CDH12: variants seen among roughly 807,000 people sequenced by gnomAD.
The protein encoded by CDH12 is cadherin-12.
A neutral mutation model predicts 74.1 loss-of-function variants in CDH12; 41 were observed. The ratio of observed to expected loss-of-function variants is 0.55; its 90% confidence interval spans 0.43 to 0.72. CDH12 has a LOEUF of 0.72. Ranked by LOEUF, CDH12 falls within the 30% of genes least tolerant of loss-of-function variation. The pLI, the probability that CDH12 is intolerant of heterozygous loss-of-function variation, is 0.00. For missense variants in CDH12, 945 were observed against 977.2 expected (o/e 0.97, Z 0.44); for synonymous variants, 399 against 355.0 (o/e 1.12, Z -1.39).
At chr5:22,444,565 C>T (rs1358755228) in intron 2 of CDH12, among the ~76,000 whole-genome samples, 2 of 147,012 alleles carry the variant, frequency 1.4e-5, no homozygotes. Flanking sequence ...CCCATAAGTA[C>T]AACTTCAGAA....
At chr5:22,073,182 T>C (rs1039534429) in intron 5 of CDH12, among the ~76,000 whole-genome samples, 1 of 152,154 alleles carries the variant, frequency 6.6e-6, no homozygotes, top group Non-Finnish European at 1.5e-5. Flanking sequence ...GCATTCTTCA[T>C]CAAAAATAGG....
intron 5 of CDH12, 130 bp from the exon 6 acceptor site, chr5:21,975,515 A>C: frequency 1.6e-6 from 1 of 609,640 alleles, no homozygotes; most frequent in South Asian, 2.6e-5. Flanking sequence ...ATGTTAAATA[A>C]AAATCTTATG....
intron 2 of CDH12, among the ~76,000 whole-genome samples, chr5:22,433,223 G>A (rs578161286): frequency 6.6e-5 from 10 of 152,006 alleles, no homozygotes; most frequent in African/African-American, 1.9e-4. Context: ...CTACTTTCCC[G>A]CATTATTTAT....
chr5:22,650,496 C>T (rs1034596093), intron 1 of CDH12, among the ~76,000 whole-genome samples: 1 of 152,008 alleles, frequency 6.6e-6, no homozygotes, highest in Non-Finnish European at 1.5e-5. Flanking sequence ...ATTCTTTACT[C>T]CCTTAGCAAT....
chr5:21,751,474 A>G lies in CDH12; in HGVS notation c.*263T>C, dbSNP rs902278183. 7.6e-6 allele frequency: 3 copies of G among 392,402 alleles called. No individual in the cohort carries two copies. The highest frequency in any genetic ancestry group is 1.4e-5 in the Non-Finnish European group (3 of 215,740). The allele number at this position is 392,402 out of a possible 1,614,324, so 24.3% of individuals were successfully genotyped here. On this transcript the variant is annotated 3_prime_UTR_variant, in exon 15 of 15. Transcript: ENST00000382254. The stretch of plus-strand genomic sequence containing the variant: ...CTGAGCTTGTCTCAGTGTGATTGTG[A>G]AAAAACAAAACAACAAAACAAAGCA...
intron 3 of CDH12, among the ~76,000 whole-genome samples, chr5:22,325,800 C>A (rs1040115626): frequency 6.6e-6 from 1 of 151,944 alleles, no homozygotes; most frequent in Non-Finnish European, 1.5e-5. Flanking sequence ...CCCAGCTGCT[C>A]GGGAGGCTGA....
intron 2 of CDH12, among the ~76,000 whole-genome samples, chr5:22,443,320 G>A (rs1744696707): frequency 6.6e-6 from 1 of 152,140 alleles, no homozygotes. Context: ...GACAGCTTTA[G>A]TAATTGGTAG....
intron 3 of CDH12, among the ~76,000 whole-genome samples, chr5:22,309,526 G>T (rs972095631): frequency 2.6e-5 from 4 of 152,072 alleles, no homozygotes; most frequent in African/African-American, 9.7e-5. Flanking sequence ...ATAGGAAAGT[G>T]ATTACTACAA....
At chr5:22,822,540 A>G (rs1308652615) in intron 1 of CDH12, among the ~76,000 whole-genome samples, 1 of 152,220 alleles carries the variant, frequency 6.6e-6, no homozygotes, top group Admixed American at 6.5e-5. Flanking sequence ...TTACAAGAAA[A>G]AAACAAACAA....
intron 1 of CDH12, among the ~76,000 whole-genome samples, chr5:22,637,598 C>T (rs767122284): frequency 5.9e-5 from 9 of 152,230 alleles, no homozygotes; most frequent in Non-Finnish European, 1.2e-4. Flanking sequence ...GCGCAGATTG[C>T]GCTTCCTCTC....
intron 5 of CDH12, among the ~76,000 whole-genome samples, chr5:22,039,225 A>G (rs1580153659): frequency 6.6e-6 from 1 of 152,112 alleles, no homozygotes; most frequent in East Asian, 1.9e-4. Context: ...TCCAAAACTG[A>G]AGCCATATGC....
At chr5:22,263,827 G>T (rs1180647375) in intron 3 of CDH12, among the ~76,000 whole-genome samples, 1 of 151,976 alleles carries the variant, frequency 6.6e-6, no homozygotes, top group Non-Finnish European at 1.5e-5. Flanking sequence ...AGGAAACTTT[G>T]AGTTAGCAAA....
At chr5:22,059,058 A>C (rs1026752947) in intron 5 of CDH12, among the ~76,000 whole-genome samples, 3 of 152,138 alleles carry the variant, frequency 2.0e-5, no homozygotes, top group African/African-American at 7.2e-5. Flanking sequence ...TTTTATTTGT[A>C]GACAGCTATG....
At chr5:21,833,679 G>T (rs1272611380) in intron 8 of CDH12, among the ~76,000 whole-genome samples, 5 of 147,276 alleles carry the variant, frequency 3.4e-5, no homozygotes, top group African/African-American at 1.3e-4. Context: ...GCACTTGCTG[G>T]CTCACCACAG....
intron 3 of CDH12, among the ~76,000 whole-genome samples, chr5:22,302,009 G>GA (rs1737904919): frequency 1.4e-5 from 2 of 145,384 alleles, no homozygotes. Context: ...ATATATATAT[G>GA]GAGAGAGAGA....
chr5:22,438,441 T>C (rs1659823876), intron 2 of CDH12, among the ~76,000 whole-genome samples: 1 of 152,070 alleles, frequency 6.6e-6, no homozygotes, highest in Non-Finnish European at 1.5e-5. Flanking sequence ...CTATTCAGTA[T>C]TATAGAACCA....
intron 3 of CDH12, among the ~76,000 whole-genome samples, chr5:22,249,304 G>A (rs1332057921): frequency 6.6e-6 from 1 of 152,132 alleles, no homozygotes; most frequent in Admixed American, 6.6e-5. Flanking sequence ...ATACCCAGAG[G>A]GTATGAACTC....
At chr5:22,095,029 T>C (rs537762737) in intron 4 of CDH12, among the ~76,000 whole-genome samples, 200 of 152,292 alleles carry the variant, frequency 1.3e-3, no homozygotes, top group Non-Finnish European at 2.1e-3. Flanking sequence ...ACACAAAGCC[T>C]GTTTAGTGGT....
chr5:22,134,281 C>T (rs566758213), intron 4 of CDH12, among the ~76,000 whole-genome samples: 7 of 152,148 alleles, frequency 4.6e-5, no homozygotes, highest in Admixed American at 3.3e-4. Context: ...GTGAGCGTTC[C>T]GCTTGAGCTA....
Sources: gnomAD v4.1 joint callset for allele counts (sites outside exome capture counted in the v4.1 genomes callset) on GRCh38, gnomAD v4.1.1 for gene constraint, MANE v1.5 for transcripts, NCBI Gene and HGNC (gene_info 2026-07-23, HGNC 2026-07-21) for gene names.